The following NUP98 variants were observed in gnomAD, a reference collection of about 807,000 sequenced individuals.
The protein encoded by NUP98 is nucleoporin 98 and 96 precursor.
In NUP98, 26 loss-of-function variants were observed where a neutral mutation model predicts 191.9. The ratio of observed to expected loss-of-function variants is 0.14; its 90% confidence interval spans 0.10 to 0.19. NUP98 has a LOEUF of 0.19. Ranked by LOEUF, NUP98 falls within the 10% of genes least tolerant of loss-of-function variation. The probability of loss-of-function intolerance (pLI) is 1.00; values close to 1 mark genes in which losing one functional copy is unlikely to be tolerated. For missense variants in NUP98, 1,941 were observed against 2,178.8 expected (o/e 0.89, Z 2.17); for synonymous variants, 808 against 778.4 (o/e 1.04, Z -0.63).
intron 14 of NUP98, among the ~76,000 whole-genome samples, chr11:3,729,803 C>T (rs557936120): frequency 6.9e-6 from 1 of 145,334 alleles, no homozygotes; most frequent in East Asian, 2.0e-4. Context: ...GTATTAACAA[C>T]AAAATGTATG....
At chr11:3,778,765 T>C (rs2081843457) in intron 4 of NUP98, 108 bp downstream of exon 4, 8 of 1,185,642 alleles carry the variant, frequency 6.7e-6, no homozygotes, top group Non-Finnish European at 1.2e-6. Flanking sequence ...GTTTTTGCCA[T>C]TTAGTAGGAA....
intron 19 of NUP98, among the ~76,000 whole-genome samples, chr11:3,713,329 G>A (rs1366750068): frequency 6.6e-6 from 1 of 152,196 alleles, no homozygotes; most frequent in Non-Finnish European, 1.5e-5. Flanking sequence ...CGAGCCCACA[G>A]TTTGTAAGAA....
chr11:3,742,018 T>C (rs535313803), intron 12 of NUP98, among the ~76,000 whole-genome samples: 4 of 152,302 alleles, frequency 2.6e-5, no homozygotes, highest in South Asian at 2.1e-4. Flanking sequence ...AGAAAAACCC[T>C]ATATGCAGGA....
chr11:3,789,550 CTG>C (rs2133979122), intron 1 of NUP98, among the ~76,000 whole-genome samples: 1 of 130,900 alleles, frequency 7.6e-6, no homozygotes, highest in East Asian at 2.3e-4. Flanking sequence ...AGGTCTCACT[CTG>C]TTGCCCAGGC....
intron 10 of NUP98, among the ~76,000 whole-genome samples, chr11:3,756,961 G>A (rs1002663635): frequency 1.6e-4 from 24 of 151,646 alleles, no homozygotes; most frequent in Non-Finnish European, 3.4e-4. Context: ...GGCAGCATGC[G>A]CCTACAGTCC....
intron 1 of NUP98, among the ~76,000 whole-genome samples, chr11:3,795,055 T>C (rs1237932040): frequency 6.6e-6 from 1 of 152,186 alleles, no homozygotes; most frequent in African/African-American, 2.4e-5. Flanking sequence ...ATAAATCATA[T>C]TACAAGAAAA....
At chr11:3,698,725 CAAAAAAAAAAAAA>C (rs549214359) in intron 25 of NUP98, among the ~76,000 whole-genome samples, 1,233 of 35,778 alleles carry the variant, frequency 0.034, 17 homozygotes, top group Non-Finnish European at 0.046. Context: ...GAAACTGTCT[CAAAAAAAAAAAAA>C]AAAAAAAAAA....
chr11:3,676,471 GC>G, intron 32 of NUP98, 37 bp downstream of exon 32: 1 of 1,603,828 alleles, frequency 6.2e-7, no homozygotes. Flanking sequence ...AAAACAGGAA[GC>G]AAGAAGGCAG....
chr11:3,743,534 C>T (rs1374371022), intron 12 of NUP98, among the ~76,000 whole-genome samples: 1 of 148,570 alleles, frequency 6.7e-6, no homozygotes, highest in Non-Finnish European at 1.5e-5. Context: ...GTAGTCCCAG[C>T]TACTCAAGAG....
chr11:3,775,388 T>C (rs1382692484), intron 5 of NUP98, among the ~76,000 whole-genome samples: 2 of 151,900 alleles, frequency 1.3e-5, no homozygotes, highest in Admixed American at 1.3e-4. Context: ...ACAAAAAAAT[T>C]AGCTGGGTAT....
chr11:3,749,458 C>G (rs2080656305), intron 11 of NUP98, among the ~76,000 whole-genome samples: 1 of 152,134 alleles, frequency 6.6e-6, no homozygotes, highest in South Asian at 2.1e-4. Flanking sequence ...AACCCCATCT[C>G]TAACTAAAAA....
chr11:3,764,123 C>T (rs990595341), intron 8 of NUP98, among the ~76,000 whole-genome samples: 3 of 152,118 alleles, frequency 2.0e-5, no homozygotes, highest in African/African-American at 7.2e-5. Context: ...GTGATTACTC[C>T]CCATCCCTAG....
intron 4 of NUP98, 63 bp downstream of exon 4, chr11:3,778,810 G>A (rs2081845133): frequency 6.6e-7 from 1 of 1,507,390 alleles, no homozygotes; most frequent in Non-Finnish European, 9.0e-7. Context: ...ACGGAGAAAA[G>A]ACAACACATT....
intron 20 of NUP98, chr11:3,711,793 C>G: frequency 3.2e-6 from 3 of 949,082 alleles, no homozygotes; most frequent in Non-Finnish European, 3.8e-6. Context: ...CCCTCCCCTC[C>G]CCTGTACGCG....
At chr11:3,724,881 T>C (rs1487637294) in intron 15 of NUP98, among the ~76,000 whole-genome samples, 1 of 150,096 alleles carries the variant, frequency 6.7e-6, no homozygotes, top group African/African-American at 2.5e-5. Context: ...GATACACAAA[T>C]ACCAAAATAG....
At chr11:3,693,526 T>C (rs2078389163) in intron 26 of NUP98, 151 bp from the exon 27 acceptor site, 2 of 827,916 alleles carry the variant, frequency 2.4e-6, no homozygotes, top group Non-Finnish European at 3.7e-6. Context: ...TCACAGCTAG[T>C]GAGAGGGAAT....
intron 18 of NUP98, among the ~76,000 whole-genome samples, chr11:3,716,369 G>C (rs897170565): frequency 6.7e-6 from 1 of 149,988 alleles, no homozygotes; most frequent in Non-Finnish European, 1.5e-5. Context: ...TTTTATGTGT[G>C]CTCCACACCA....
intron 1 of NUP98, among the ~76,000 whole-genome samples, chr11:3,784,041 GA>G (rs1224074108): frequency 1.3e-5 from 2 of 152,144 alleles, no homozygotes; most frequent in African/African-American, 4.8e-5. Context: ...TAAAAACTCT[GA>G]AAACAGTCAA....
intron 8 of NUP98, among the ~76,000 whole-genome samples, chr11:3,766,689 CAAAA>C (rs544567161): frequency 5.1e-5 from 3 of 58,886 alleles, no homozygotes; most frequent in Admixed American, 2.0e-4. Context: ...AACTCCGTCT[CAAAA>C]AAAAAAAAAA....
Sources: gnomAD v4.1 joint callset for allele counts (sites outside exome capture counted in the v4.1 genomes callset) on GRCh38, gnomAD v4.1.1 for gene constraint, MANE v1.5 for transcripts, NCBI Gene and HGNC (gene_info 2026-07-23, HGNC 2026-07-21) for gene names.